Variants in CASP9 observed in about 807,000 individuals in gnomAD.
CASP9 encodes caspase 9, also known as caspase-9.
CASP9 carries 29 observed loss-of-function variants against 43.5 expected under a neutral mutation model. The observed-to-expected ratio is 0.67, with a 90% confidence interval of 0.50 to 0.91. CASP9 has a LOEUF of 0.91. CASP9 is among the 40% of genes least tolerant of loss of function. The probability of loss-of-function intolerance (pLI) is 0.00; values close to 1 mark genes in which losing one functional copy is unlikely to be tolerated. For synonymous variants in CASP9, 206 were observed against 211.9 expected (o/e 0.97, Z 0.24); for missense variants, 575 against 537.4 (o/e 1.07, Z -0.69).
Position 15,504,171 on chromosome 1 carries a change from C to G in CASP9, c.868+440G>C, listed in dbSNP as rs139004320. Among the ~76,000 whole-genome samples the G allele has an allele frequency of 9.7e-4, 147 of 152,232 alleles. 1 individual carries two copies. Among genetic ancestry groups the G allele is most frequent in the African/African-American group, 3.4e-3 (141 of 41,528 alleles). On this transcript the variant is annotated intron_variant, in intron 6 of 8. Transcript: ENST00000333868. Reference sequence around the variant, plus strand: ...TCTTTAAATGTTCCTCGAACCCCCACAACTACACTTTTGAAAATTCCAATA... The same window carrying G: ...TCTTTAAATGTTCCTCGAACCCCCAGAACTACACTTTTGAAAATTCCAATA...
At chr1:15,493,524 G>A in intron 8 of CASP9, 1 of 1,378,658 alleles carries the variant, frequency 7.3e-7, no homozygotes, top group Non-Finnish European at 9.4e-7. Flanking sequence ...AGGGTCAAGA[G>A]TAGAAGACTA....
intron 3 of CASP9, 67 bp from the exon 4 acceptor site, chr1:15,507,142 G>C: frequency 6.3e-7 from 1 of 1,595,712 alleles, no homozygotes; most frequent in East Asian, 2.2e-5. Flanking sequence ...GTCTGGAGAG[G>C]CGGGAAGAAA....
chr1:15,495,367 C>T lies in CASP9; in HGVS notation c.954G>A (p.Pro318=), dbSNP rs1178416791. The T allele has an allele frequency of 4.3e-6, 7 of 1,609,608 alleles. No individual in the cohort carries two copies. Among genetic ancestry groups the T allele is most frequent in the South Asian group, 3.3e-5 (3 of 90,140 alleles). The part of the protein sequence containing the change: ...PGSNPEPDAT[P]FQEGLRTFDQ... ...CGAAGGTCCTCAAACCTTCCTGGAA[C>T]GGGGTGGCATCTGGCTCGGGGTTAC... Residue 318 remains proline (P), a synonymous_variant, in exon 7 of 9, where the codon CCG becomes CCA. Coordinates refer to ENST00000333868, the MANE Select transcript of CASP9 (RefSeq NM_001229.5).
chr1:15,521,103 G>A (rs1297728121), intron 1 of CASP9, among the ~76,000 whole-genome samples: 1 of 149,370 alleles, frequency 6.7e-6, no homozygotes, highest in East Asian at 2.0e-4. Flanking sequence ...CTTGCAGTGA[G>A]CCGAGATTGC....
In CASP9 at chr1:15,504,681, G is replaced by T. The variant is rs1343119605; in HGVS notation, c.798C>A (p.Ile266=). The stretch of plus-strand genomic sequence containing the variant: ...GGCTGGGGCAGCTGGTCCCATTGAA[G>T]ATGTTCACAATCTTCTCGACCGACA... ...CPVSVEKIVN[I]FNGTSCPSLG... is the part of the protein sequence containing the mutation. The change falls in exon 6 of 9, where the codon ATC becomes ATA. Residue 266 remains isoleucine (I), a synonymous_variant. Coordinates refer to ENST00000333868, the MANE Select transcript of CASP9 (RefSeq NM_001229.5). 1.2e-6 allele frequency: 2 copies of T among 1,614,218 alleles called. No homozygotes were observed. The highest frequency in any genetic ancestry group is 2.2e-5 in the South Asian group (2 of 91,088).
At chr1:15,520,868 T>C (rs1325640214) in intron 1 of CASP9, among the ~76,000 whole-genome samples, 1 of 145,460 alleles carries the variant, frequency 6.9e-6, no homozygotes, top group Non-Finnish European at 1.5e-5. Context: ...CAGAACAGCT[T>C]GAACCCTGGC....
intron 2 of CASP9, among the ~76,000 whole-genome samples, chr1:15,517,301 T>C (rs916202175): frequency 6.6e-6 from 1 of 152,064 alleles, no homozygotes; most frequent in Non-Finnish European, 1.5e-5. Context: ...GATACAATGA[T>C]GAATGAAAGA....
intron 6 of CASP9, among the ~76,000 whole-genome samples, chr1:15,495,997 C>G (rs1294464478): frequency 2.0e-5 from 3 of 152,204 alleles, no homozygotes; most frequent in African/African-American, 7.2e-5. Context: ...GTGTACTTCT[C>G]AATATCCTGC....
chr1:15,512,513 C>G (rs1709792284), intron 2 of CASP9, among the ~76,000 whole-genome samples: 1 of 152,132 alleles, frequency 6.6e-6, no homozygotes, highest in Non-Finnish European at 1.5e-5. Flanking sequence ...GGGACTTCTA[C>G]CATTGGTGCT....
intron 5 of CASP9, among the ~76,000 whole-genome samples, chr1:15,505,043 C>A (rs1055678945): frequency 6.6e-6 from 1 of 152,224 alleles, no homozygotes; most frequent in East Asian, 1.9e-4. Flanking sequence ...TTGGCCCCTG[C>A]AGCAGCGGCA....
chr1:15,510,830 T>A (rs1466977041), intron 2 of CASP9, among the ~76,000 whole-genome samples: 2 of 152,062 alleles, frequency 1.3e-5, no homozygotes, highest in Non-Finnish European at 2.9e-5. Context: ...TGGCTAAGTG[T>A]GTGCAAAAGA....
At chr1:15,514,472 G>T (rs571546467) in intron 2 of CASP9, among the ~76,000 whole-genome samples, 6 of 152,226 alleles carry the variant, frequency 3.9e-5, no homozygotes, top group Admixed American at 2.6e-4. Flanking sequence ...CATCTAAAAA[G>T]GACATCTCTC....
In CASP9 at chr1:15,518,259, C is replaced by A. The variant is rs150928739; in HGVS notation, c.269G>T (p.Arg90Leu). Residue 90 changes from arginine to leucine, a missense_variant, in exon 2 of 9, where the codon CGA becomes CTA. Arg to Leu is a moderately radical substitution (Grantham distance 102, BLOSUM62 -2). Transcript: ENST00000333868. ...TGQDMLASFL[R>L]TNRQAAKLSK... ...CAACTTTGCTGCTTGCCTGTTAGTT[C>A]GCAGAAACGAAGCCAGCATGTCCTG... is the stretch of plus-strand genomic sequence containing the variant. 2 of 1,614,040 alleles carry A rather than the reference C, an allele frequency of 1.2e-6. No homozygotes were observed. Among genetic ancestry groups the A allele is most frequent in the Admixed American group, 1.7e-5 (1 of 59,986 alleles).
chr1:15,498,522 G>GAC (rs1553140289), intron 6 of CASP9, among the ~76,000 whole-genome samples: 1 of 152,124 alleles, frequency 6.6e-6, no homozygotes, highest in Non-Finnish European at 1.5e-5. Flanking sequence ...TTTTTAAAAA[G>GAC]ACATAAAACT....
intron 6 of CASP9, among the ~76,000 whole-genome samples, chr1:15,496,748 G>C (rs530341498): frequency 6.6e-6 from 1 of 152,320 alleles, no homozygotes; most frequent in African/African-American, 2.4e-5. Context: ...AAGAAAGAAG[G>C]CTGGATGCCA....
intron 8 of CASP9, 175 bp downstream of exon 8, chr1:15,493,717 G>C: frequency 2.0e-6 from 3 of 1,494,752 alleles, no homozygotes; most frequent in Non-Finnish European, 2.7e-6. Flanking sequence ...ACCACAGGCA[G>C]GATGCCTCTC....
intron 7 of CASP9, among the ~76,000 whole-genome samples, chr1:15,494,641 A>C (rs1386433535): frequency 1.3e-5 from 2 of 151,652 alleles, no homozygotes; most frequent in African/African-American, 4.8e-5. Context: ...AGGCAGGTGG[A>C]TCACGAGGTC....
At chr1:15,495,809 G>A (rs1354031172) in intron 6 of CASP9, among the ~76,000 whole-genome samples, 1 of 152,180 alleles carries the variant, frequency 6.6e-6, no homozygotes, top group Non-Finnish European at 1.5e-5. Flanking sequence ...CTGCCCACCT[G>A]GCACAAATGC....
At chr1:15,503,656 G>C (rs551439784) in intron 6 of CASP9, among the ~76,000 whole-genome samples, 1 of 152,332 alleles carries the variant, frequency 6.6e-6, no homozygotes, top group African/African-American at 2.4e-5. Context: ...GTGGAATAGG[G>C]ATGGGGCAGT....
Sources: allele counts gnomAD v4.1 joint callset (sites outside exome capture counted in the v4.1 genomes callset), GRCh38; gene constraint gnomAD v4.1.1; transcripts MANE v1.5; gene names NCBI Gene and HGNC (gene_info 2026-07-23, HGNC 2026-07-21).